LUZP2: variants seen among roughly 807,000 people sequenced by gnomAD.
LUZP2 encodes leucine zipper protein 2.
In LUZP2, 52 loss-of-function variants were observed where a neutral mutation model predicts 51.6. The observed-to-expected ratio is 1.01, with a 90% confidence interval of 0.81 to 1.27. The LOEUF (loss-of-function observed/expected upper bound fraction) is 1.27. Among genes scored for constraint, LUZP2 ranks in the 50% most tolerant of loss-of-function variants. The pLI is 0.00. For synonymous variants in LUZP2, 154 were observed against 137.3 expected (o/e 1.12, Z -0.85); for missense variants, 436 against 395.4 (o/e 1.10, Z -0.87).
intron 1 of LUZP2, among the ~76,000 whole-genome samples, chr11:24,707,917 C>T (rs1156681545): frequency 6.6e-6 from 1 of 152,148 alleles, no homozygotes; most frequent in African/African-American, 2.4e-5. Flanking sequence ...GGGTTCTTAT[C>T]TCTGACGCAC....
At chr11:24,993,584 C>T (rs1856413102) in intron 9 of LUZP2, among the ~76,000 whole-genome samples, 1 of 152,064 alleles carries the variant, frequency 6.6e-6, no homozygotes, top group Admixed American at 6.6e-5. Context: ...TTAATGAATT[C>T]ACCCTTTACC....
At chr11:24,898,642 C>CAA (rs1415410591) in intron 5 of LUZP2, among the ~76,000 whole-genome samples, 117 of 147,664 alleles carry the variant, frequency 7.9e-4, no homozygotes, top group African/African-American at 2.7e-3. Context: ...AAAAAAAAAA[C>CAA]AAGAGTTTAA....
intron 4 of LUZP2, 31 bp from the exon 5 acceptor site, chr11:24,763,215 T>A (rs764834990): frequency 1.0e-6 from 1 of 993,674 alleles, no homozygotes; most frequent in Non-Finnish European, 1.4e-6. Context: ...GAGTTTGGAA[T>A]GTGTCTACAT....
chr11:24,832,422 G>T (rs1332082988), intron 5 of LUZP2, among the ~76,000 whole-genome samples: 1 of 151,752 alleles, frequency 6.6e-6, no homozygotes, highest in Non-Finnish European at 1.5e-5. Context: ...AACTATAACA[G>T]GTTTTATTTT....
At chr11:24,535,110 G>C (rs1851135678) in intron 1 of LUZP2, among the ~76,000 whole-genome samples, 2 of 144,772 alleles carry the variant, frequency 1.4e-5, no homozygotes, top group Non-Finnish European at 3.0e-5. Context: ...AAAATGTCTA[G>C]GGTTAATTAA....
chr11:24,964,678 T>C (rs1565167639), intron 7 of LUZP2, among the ~76,000 whole-genome samples: 1 of 152,042 alleles, frequency 6.6e-6, no homozygotes, highest in African/African-American at 2.4e-5. Context: ...CTAGAACACT[T>C]CAAGTAGACA....
At chr11:24,628,197 A>T (rs1854750773) in intron 1 of LUZP2, among the ~76,000 whole-genome samples, 2 of 133,488 alleles carry the variant, frequency 1.5e-5, no homozygotes, top group African/African-American at 5.8e-5. Flanking sequence ...ACACGCACAC[A>T]CACACACCCA....
chr11:24,722,057 A>G (rs749981381), intron 1 of LUZP2, among the ~76,000 whole-genome samples: 18 of 152,220 alleles, frequency 1.2e-4, no homozygotes, highest in Admixed American at 3.3e-4. Flanking sequence ...GTTCCCGTGC[A>G]ACACAGAAAA....
chr11:24,650,891 C>A (rs1273054414), intron 1 of LUZP2, among the ~76,000 whole-genome samples: 2 of 152,028 alleles, frequency 1.3e-5, no homozygotes, highest in African/African-American at 2.4e-5. Context: ...AGGCAGATTT[C>A]TGAACTTTTG....
At chr11:24,994,756 A>G (rs1019260492) in intron 9 of LUZP2, among the ~76,000 whole-genome samples, 1 of 152,088 alleles carries the variant, frequency 6.6e-6, no homozygotes, top group Admixed American at 6.6e-5. Flanking sequence ...CGAATATTCT[A>G]TTTTTTCAGG....
chr11:24,930,796 T>G (rs1034911628), intron 7 of LUZP2, among the ~76,000 whole-genome samples: 6 of 152,240 alleles, frequency 3.9e-5, no homozygotes, highest in African/African-American at 1.4e-4. Context: ...GAAATTTTCC[T>G]CAATTATTGC....
At chr11:24,904,124 C>T (rs1292475352) in intron 5 of LUZP2, among the ~76,000 whole-genome samples, 1 of 152,150 alleles carries the variant, frequency 6.6e-6, no homozygotes, top group East Asian at 1.9e-4. Context: ...TCTCCACATC[C>T]TCATCAGTAC....
At chr11:24,698,170 G>GTAT (rs1857306039) in intron 1 of LUZP2, among the ~76,000 whole-genome samples, 1 of 152,166 alleles carries the variant, frequency 6.6e-6, no homozygotes, top group Non-Finnish European at 1.5e-5. Flanking sequence ...CTGTCTCAGT[G>GTAT]TATTGGCTTA....
chr11:24,668,886 C>A (rs1856305479), intron 1 of LUZP2, among the ~76,000 whole-genome samples: 1 of 152,078 alleles, frequency 6.6e-6, no homozygotes, highest in African/African-American at 2.4e-5. Flanking sequence ...TTTTCCTGGA[C>A]ATTTAAATGT....
intron 1 of LUZP2, among the ~76,000 whole-genome samples, chr11:24,622,407 G>A (rs904477160): frequency 6.6e-6 from 1 of 151,816 alleles, no homozygotes; most frequent in Non-Finnish European, 1.5e-5. Flanking sequence ...CAATCACCAT[G>A]TTTCCTAGGC....
rs1851140590 is a variant in LUZP2, at chr11:24,844,587, GA to G, written c.397-61399del. On this transcript the variant is annotated intron_variant, in intron 5 of 11. Transcript: ENST00000336930. Reference sequence around the variant, plus strand: ...CAAATGTTAATCCCCAAGACAATGAGAAAAATGTCTCCAGGGCATGTCACAG... The same window carrying G: ...CAAATGTTAATCCCCAAGACAATGAGAAAATGTCTCCAGGGCATGTCACAG... Among the ~76,000 whole-genome samples the G allele has an allele frequency of 2.0e-5, 3 of 152,258 alleles. No individual in the cohort carries two copies. In the South Asian group the frequency reaches 6.2e-4, roughly 32 times the overall value.
chr11:24,810,486 G>T (rs1206699112), intron 5 of LUZP2, among the ~76,000 whole-genome samples: 1 of 151,974 alleles, frequency 6.6e-6, no homozygotes, highest in Non-Finnish European at 1.5e-5. Context: ...AAAATATTAG[G>T]CCATTTAATT....
intron 1 of LUZP2, among the ~76,000 whole-genome samples, chr11:24,682,179 A>G (rs555607150): frequency 2.0e-5 from 3 of 152,118 alleles, no homozygotes; most frequent in Non-Finnish European, 4.4e-5. Flanking sequence ...AAGACTGTGC[A>G]ACTAATACAT....
At chr11:24,533,809 A>G (rs1488054185) in intron 1 of LUZP2, among the ~76,000 whole-genome samples, 1 of 151,002 alleles carries the variant, frequency 6.6e-6, no homozygotes, top group East Asian at 1.9e-4. Flanking sequence ...ACATATAAAA[A>G]ATCCAGCATA....
Sources: allele counts gnomAD v4.1 joint callset (sites outside exome capture counted in the v4.1 genomes callset), GRCh38; gene constraint gnomAD v4.1.1; transcripts MANE v1.5; gene names NCBI Gene and HGNC (gene_info 2026-07-23, HGNC 2026-07-21).